The following RASSF6 variants were observed in gnomAD, a reference collection of about 807,000 sequenced individuals.
RASSF6 encodes the protein Ras association domain family member 6.
RASSF6 carries 52 observed loss-of-function variants against 44.0 expected under a neutral mutation model. That is an observed-to-expected ratio of 1.18 (90% CI 0.95 to 1.49). RASSF6 has a LOEUF of 1.49. Ranked by LOEUF, RASSF6 falls within the 40% of genes most tolerant of loss-of-function variation. The probability of loss-of-function intolerance (pLI) is 0.00; values close to 1 mark genes in which losing one functional copy is unlikely to be tolerated. For missense variants in RASSF6, 464 were observed against 393.3 expected, an observed-to-expected ratio of 1.18 and a Z score of -1.52; for synonymous variants, 162 against 124.6, an observed-to-expected ratio of 1.30 and a Z score of -2.00.
chr4:73,593,077 G>T (rs1282697113), intron 4 of RASSF6, among the ~76,000 whole-genome samples: 12 of 149,162 alleles, frequency 8.0e-5, no homozygotes, highest in Non-Finnish European at 1.8e-4. Context: ...GTGCAATGGC[G>T]CAATCTCGGC....
At chr4:73,595,492 C>T (rs946656045) in intron 3 of RASSF6, among the ~76,000 whole-genome samples, 3 of 152,158 alleles carry the variant, frequency 2.0e-5, no homozygotes, top group Non-Finnish European at 2.9e-5. Context: ...AGCCACAGCA[C>T]CTGACCTGAA....
chr4:73,589,663 C>T (rs545736117), intron 4 of RASSF6, among the ~76,000 whole-genome samples: 2 of 152,136 alleles, frequency 1.3e-5, no homozygotes, highest in South Asian at 2.1e-4. Flanking sequence ...TCACCCCATA[C>T]AACTGTGCAC....
chr4:73,579,269 C>T (rs1448915889), intron 8 of RASSF6, among the ~76,000 whole-genome samples: 1 of 152,032 alleles, frequency 6.6e-6, no homozygotes, highest in Non-Finnish European at 1.5e-5. Flanking sequence ...TCTGTAGGCA[C>T]TAGTGCTTAT....
At chr4:73,597,213 A>G (rs1418989278) in intron 3 of RASSF6, among the ~76,000 whole-genome samples, 1 of 152,246 alleles carries the variant, frequency 6.6e-6, no homozygotes, top group Non-Finnish European at 1.5e-5. Flanking sequence ...ATATTTTTGC[A>G]AACTATGCAT....
rs1019414405 is a variant in RASSF6, at chr4:73,573,659, C to T, written c.*2576G>A. 2 of 152,166 alleles carry T rather than the reference C, an allele frequency of 1.3e-5. No individual in the cohort carries two copies. Among genetic ancestry groups the T allele is most frequent in the Non-Finnish European group, 2.9e-5 (2 of 68,032 alleles). 9.4% of individuals were successfully genotyped at this position (152,166 alleles called of 1,614,324 possible). Reference sequence around the variant, plus strand: ...TTTTACCAGAAGTTTGAGTCCCCATCTCATGGTGATTTATTGAGTATTTAA... The same window carrying T: ...TTTTACCAGAAGTTTGAGTCCCCATTTCATGGTGATTTATTGAGTATTTAA... On this transcript the variant is annotated 3_prime_UTR_variant, in exon 11 of 11. Transcript: ENST00000307439.
At chr4:73,593,690 T>C (rs1724738667) in intron 3 of RASSF6, 97 bp from the exon 4 acceptor site, 3 of 956,418 alleles carry the variant, frequency 3.1e-6, no homozygotes, top group African/African-American at 1.7e-5. Context: ...GTAAGAAACC[T>C]AAATAGATTA....
chr4:73,583,150 G>A (rs1365165842), intron 6 of RASSF6, among the ~76,000 whole-genome samples: 1 of 152,084 alleles, frequency 6.6e-6, no homozygotes, highest in Non-Finnish European at 1.5e-5. Context: ...AGGAGACCTA[G>A]ATTTTAGTGC....
Position 73,582,190 on chromosome 4 carries a change from T to G in RASSF6, c.668A>C (p.Lys223Thr). Reference sequence around the variant, plus strand: ...GCTCAGTTAAGTGATAAAGGTTACCTTAAATTTTTGGAGAAGTTGCTTTAT... The same window carrying G: ...GCTCAGTTAAGTGATAAAGGTTACCGTAAATTTTTGGAGAAGTTGCTTTAT... ...EVIKQLLQKF[K>T]IENSPQDFAL... is the part of the protein sequence containing the mutation. Residue 223 changes from lysine to threonine, a missense_variant and splice_region_variant, in exon 7 of 11, where the codon AAG becomes ACG. By Grantham distance (78) the Lys-to-Thr change is moderately conservative. Transcript: ENST00000307439. 1 of 1,476,156 alleles carries G rather than the reference T, an allele frequency of 6.8e-7. No homozygotes were observed. The highest frequency in any genetic ancestry group is 1.2e-5 in the South Asian group (1 of 83,458). The allele number at this position is 1,476,156 out of a possible 1,614,324, so 91.4% of individuals were successfully genotyped here.
At chr4:73,585,438 C>T (rs1408213027) in intron 5 of RASSF6, 74 bp from the exon 6 acceptor site, 2 of 1,002,140 alleles carry the variant, frequency 2.0e-6, no homozygotes, top group Non-Finnish European at 2.8e-6. Flanking sequence ...TTTGTGTATG[C>T]TTTCATTAAT....
At chr4:73,584,609 TG>T (rs1560442542) in intron 6 of RASSF6, among the ~76,000 whole-genome samples, 1 of 152,166 alleles carries the variant, frequency 6.6e-6, no homozygotes, top group Non-Finnish European at 1.5e-5. Flanking sequence ...TGGAATAAAT[TG>T]GCCTGTGGCT....
chr4:73,620,438 C>G (rs545882781), upstream of RASSF6: 147 of 1,547,312 alleles, frequency 9.5e-5, no homozygotes, highest in Non-Finnish European at 1.3e-4. Flanking sequence ...GAGTCACTCA[C>G]CTGTAGGGGA....
At chr4:73,610,482 G>T (rs577919631) in intron 2 of RASSF6, among the ~76,000 whole-genome samples, 2 of 152,234 alleles carry the variant, frequency 1.3e-5, no homozygotes, top group South Asian at 4.2e-4. Flanking sequence ...CCTCATAATG[G>T]CCTATCAAAC....
upstream of RASSF6, chr4:73,620,470 C>A (rs1326837390): frequency 2.6e-6 from 4 of 1,547,298 alleles, no homozygotes; most frequent in Non-Finnish European, 3.5e-6. Context: ...CGCGCGGGCG[C>A]AGGGGCGGCG....
intron 3 of RASSF6, among the ~76,000 whole-genome samples, chr4:73,594,575 T>C (rs574231440): frequency 1.0e-3 from 154 of 152,354 alleles, no homozygotes; most frequent in African/African-American, 3.5e-3. Context: ...TCACAGCGCC[T>C]GGCATTCAAT....
intron 1 of RASSF6, among the ~76,000 whole-genome samples, chr4:73,615,642 T>C (rs1408727416): frequency 2.6e-5 from 4 of 152,246 alleles, no homozygotes; most frequent in Admixed American, 6.5e-5. Context: ...GGTTATTTAC[T>C]TTTTCATTTT....
intron 4 of RASSF6, among the ~76,000 whole-genome samples, chr4:73,590,083 C>T (rs534821363): frequency 1.3e-5 from 2 of 152,300 alleles, no homozygotes; most frequent in South Asian, 4.1e-4. Flanking sequence ...GGCTGTTCTT[C>T]TCTTTTGTTA....
At position 73,576,333 on chromosome 4, in the gene RASSF6, C is replaced by G. The variant is rs531708174; in HGVS notation, c.939-23G>C. ...AATCTGAAAATGAGAAGAAGAAAGACTATTAAAAATTGGACATATTTTGTG... is the reference window on the plus strand; with the variant it reads ...AATCTGAAAATGAGAAGAAGAAAGAGTATTAAAAATTGGACATATTTTGTG... On this transcript the variant is annotated intron_variant, in intron 10 of 10. Coordinates refer to ENST00000307439, the MANE Select transcript of RASSF6 (RefSeq NM_177532.5). The G allele has an allele frequency of 6.6e-6, 10 of 1,510,706 alleles. No homozygotes were observed. In the East Asian group the frequency reaches 2.3e-4, roughly 34 times the overall value. 93.6% of individuals were successfully genotyped at this position (1,510,706 alleles called of 1,614,324 possible). A position where few individuals can be genotyped will look rare whatever the true frequency, so the allele number is the denominator to read the frequency against.
intron 2 of RASSF6, among the ~76,000 whole-genome samples, chr4:73,602,479 G>T (rs1249534294): frequency 4.6e-5 from 7 of 152,218 alleles, no homozygotes; most frequent in Non-Finnish European, 8.8e-5. Flanking sequence ...AAGAACCAAA[G>T]GCAATCACTA....
intron 3 of RASSF6, among the ~76,000 whole-genome samples, chr4:73,597,049 G>A (rs886931910): frequency 3.9e-5 from 6 of 152,156 alleles, no homozygotes; most frequent in Non-Finnish European, 7.3e-5. Flanking sequence ...TACCATCCAG[G>A]ACACAGGCAT....
Sources: allele counts gnomAD v4.1 joint callset (sites outside exome capture counted in the v4.1 genomes callset), GRCh38; gene constraint gnomAD v4.1.1; transcripts MANE v1.5; gene names NCBI Gene and HGNC (gene_info 2026-07-23, HGNC 2026-07-21).